RBFOX3: variants seen among roughly 807,000 people sequenced by gnomAD.
RBFOX3 encodes the protein RNA binding protein fox-1 homolog 3.
A neutral mutation model predicts 48.7 loss-of-function variants in RBFOX3; 17 were observed. The ratio of observed to expected loss-of-function variants is 0.35; its 90% confidence interval spans 0.24 to 0.52. The LOEUF (loss-of-function observed/expected upper bound fraction) is 0.52. RBFOX3 is among the 20% of genes least tolerant of loss of function. RBFOX3 has a pLI of 0.94. For missense variants in RBFOX3, 382 were observed against 497.5 expected (o/e 0.77, Z 2.21); for synonymous variants, 212 against 209.5 (o/e 1.01, Z -0.10).
At chr17:79,620,455 G>GCA in the RBFOX3 span, among the ~76,000 whole-genome samples, 291 of 139,366 alleles carry the variant, frequency 2.1e-3, 1 homozygote, top group African/African-American at 7.3e-3. Flanking sequence ...GCACACATGC[G>GCA]CACACACATG....
chr17:79,171,149 C>T (rs879794295), intron 4 of RBFOX3, among the ~76,000 whole-genome samples: 3 of 152,230 alleles, frequency 2.0e-5, no homozygotes, highest in African/African-American at 4.8e-5. Context: ...TTTGAAGATT[C>T]AGCATGAAAA....
chr17:79,410,020 T>C (rs2064071686), intron 2 of RBFOX3, among the ~76,000 whole-genome samples: 1 of 152,242 alleles, frequency 6.6e-6, no homozygotes, highest in Non-Finnish European at 1.5e-5. Flanking sequence ...TTGTGATTTC[T>C]TTTAGGACAA....
At chr17:79,586,873 A>G (rs900659254) in intron 1 of RBFOX3, among the ~76,000 whole-genome samples, 3 of 152,350 alleles carry the variant, frequency 2.0e-5, no homozygotes, top group South Asian at 4.1e-4. Context: ...TGTGGTTGCA[A>G]CTGCTGTCGA....
chr17:79,092,297 A>AC, intron 14 of RBFOX3: 1 of 985,514 alleles, frequency 1.0e-6, no homozygotes, highest in South Asian at 4.7e-5. Flanking sequence ...CACGGTGTGC[A>AC]CACCGTACCT....
intron 1 of RBFOX3, among the ~76,000 whole-genome samples, chr17:79,522,491 T>G (rs2150005187): frequency 6.6e-6 from 1 of 152,158 alleles, no homozygotes; most frequent in East Asian, 1.9e-4. Context: ...CTCCAACTAT[T>G]TTCAGGGTAC....
At position 79,388,935 on chromosome 17, in the gene RBFOX3, G is replaced by A. The variant is rs374762129; in HGVS notation, c.-174-81111C>T. Among the ~76,000 whole-genome samples, 19 of 152,342 alleles carry A rather than the reference G, an allele frequency of 1.2e-4. 1 individual carries two copies. The highest frequency in any genetic ancestry group is 9.1e-4 in the Admixed American group (14 of 15,304). Reference sequence around the variant, plus strand: ...TCCCTTAACTCCTCCCAGCCGCCAAGCCCTCCAATCCTTTAGAACTGGGGC... The same window carrying A: ...TCCCTTAACTCCTCCCAGCCGCCAAACCCTCCAATCCTTTAGAACTGGGGC... On this transcript the variant is annotated intron_variant, in intron 2 of 14. Coordinates refer to ENST00000693108, the MANE Select transcript of RBFOX3 (RefSeq NM_001350451.2).
intron 2 of RBFOX3, among the ~76,000 whole-genome samples, chr17:79,353,815 C>T (rs766120322): frequency 3.3e-5 from 5 of 152,118 alleles, no homozygotes; most frequent in Non-Finnish European, 7.4e-5. Context: ...CCCCCACTGG[C>T]TTTCTCACCC....
intron 1 of RBFOX3, among the ~76,000 whole-genome samples, chr17:79,602,457 C>G (rs923507838): frequency 1.6e-3 from 242 of 152,318 alleles, no homozygotes; most frequent in African/African-American, 5.6e-3. Context: ...CAACCACTGT[C>G]GGTCTTCTCC....
chr17:79,337,211 A>G (rs56338242), intron 2 of RBFOX3, among the ~76,000 whole-genome samples: 16,891 of 152,076 alleles, frequency 0.11, 1,053 homozygotes, highest in East Asian at 0.2. Context: ...CTAGGATCAG[A>G]CTCCAGGCTA....
rs2063661239 is a variant in RBFOX3 at position 79,249,683 on chromosome 17, TG to T, written c.-73-13879del. ...CAGCCAGCCCCAAAACCACTTCCCC[TG>T]CCTCGCCCGTTCCTTCCTAGGGAAA... On this transcript the variant is annotated intron_variant, in intron 3 of 14. Coordinates refer to ENST00000693108, the MANE Select transcript of RBFOX3 (RefSeq NM_001350451.2). The surrounding 1 kb of genome is among the most constrained non-coding windows in gnomAD (Gnocchi z 4.1). Among the ~76,000 whole-genome samples, 1 of 146,930 alleles carries T rather than the reference TG, an allele frequency of 6.8e-6. No individual in the cohort carries two copies. Among genetic ancestry groups the T allele is most frequent in the Admixed American group, 6.9e-5 (1 of 14,440 alleles).
rs1039290582 is a variant in RBFOX3, at chr17:79,097,181, C to CA, written c.755+110_755+111insT. On this transcript the variant is annotated intron_variant, in intron 11 of 14. Transcript: ENST00000693108. Reference sequence around the variant, plus strand: ...TGGGGCTCCCACGATCCTCCCCCCCCCCAGGTCTGGAAAGGCTGCCTAGCC... The same window carrying CA: ...TGGGGCTCCCACGATCCTCCCCCCCCACCAGGTCTGGAAAGGCTGCCTAGCC... 4.6e-5 allele frequency: 42 copies of CA among 921,922 alleles called. No individual in the cohort carries two copies. In the African/African-American group the frequency reaches 5.1e-4, roughly 11 times the overall value. 57.1% of individuals were successfully genotyped at this position (921,922 alleles called of 1,614,324 possible). A position where few individuals can be genotyped will look rare whatever the true frequency, so the allele number is the denominator to read the frequency against.
chr17:79,198,538 A>G lies in RBFOX3; in HGVS notation c.-34+37228T>C, dbSNP rs1473385301. On this transcript the variant is annotated intron_variant, in intron 4 of 14. Coordinates refer to ENST00000693108, the MANE Select transcript of RBFOX3 (RefSeq NM_001350451.2). This position sits in a 1 kb window ranked among gnomAD's most constrained non-coding sequence, Gnocchi z 8.2. ...GACTGAGGCTTGGAGAAGTTCACAG[A>G]CTTTCCAGGATGTATTGCCCATGCC... Among the ~76,000 whole-genome samples, 3 of 152,062 alleles carry G rather than the reference A, an allele frequency of 2.0e-5. No homozygotes were observed. The highest frequency in any genetic ancestry group is 2.0e-4 in the Admixed American group (3 of 15,278).
At chr17:79,306,852 C>T (rs987097795) in intron 3 of RBFOX3, among the ~76,000 whole-genome samples, 3 of 151,758 alleles carry the variant, frequency 2.0e-5, no homozygotes, top group African/African-American at 7.2e-5. Flanking sequence ...CCAGCCTGGG[C>T]GTTGGGCCTC....
Position 79,575,874 on chromosome 17 carries a change from C to T in RBFOX3, c.-320+34952G>A, listed in dbSNP as rs995177337. Among the ~76,000 whole-genome samples the T allele has an allele frequency of 1.3e-4, 20 of 152,290 alleles. No individual in the cohort carries two copies. The South Asian group carries it at 2.9e-3, about 22-fold the overall frequency. Reference sequence around the variant, plus strand: ...TGTGATAGTAGCAAGCCCACCCCCTCGGTTAGGCTGAAACCACTGATCCAA... The same window carrying T: ...TGTGATAGTAGCAAGCCCACCCCCTTGGTTAGGCTGAAACCACTGATCCAA... On this transcript the variant is annotated intron_variant, in intron 1 of 14. Transcript: ENST00000693108.
chr17:79,468,062 G>A (rs1232717311), intron 2 of RBFOX3, among the ~76,000 whole-genome samples: 3 of 152,066 alleles, frequency 2.0e-5, no homozygotes, highest in Non-Finnish European at 4.4e-5. Flanking sequence ...TGTTTGGTTC[G>A]CTGAGCCCTA....
At chr17:79,561,699 G>A (rs1175462346) in intron 1 of RBFOX3, among the ~76,000 whole-genome samples, 1 of 152,144 alleles carries the variant, frequency 6.6e-6, no homozygotes, top group Non-Finnish European at 1.5e-5. Flanking sequence ...TCTGCAAAAG[G>A]AGCCCTCCCT....
At chr17:79,403,695 C>T (rs1181934040) in intron 2 of RBFOX3, among the ~76,000 whole-genome samples, 7 of 152,206 alleles carry the variant, frequency 4.6e-5, no homozygotes, top group African/African-American at 1.4e-4. Flanking sequence ...CCCCCTCACC[C>T]GCCCTCCAGG....
chr17:79,222,101 CTGATTTCTACTGCTGCT>C (rs991275560), intron 4 of RBFOX3, among the ~76,000 whole-genome samples: 9 of 125,942 alleles, frequency 7.1e-5, no homozygotes, highest in African/African-American at 3.0e-4. Flanking sequence ...TACCCATTGC[CTGATTTCTACTGCTGCT>C]TGATTTCTAC....
intron 2 of RBFOX3, among the ~76,000 whole-genome samples, chr17:79,385,696 G>A (rs1014667881): frequency 2.0e-5 from 3 of 152,108 alleles, no homozygotes; most frequent in East Asian, 3.9e-4. Context: ...TGTGACAGAC[G>A]GGCTCCATCA....
Sources: allele counts gnomAD v4.1 joint callset (sites outside exome capture counted in the v4.1 genomes callset), GRCh38; gene constraint gnomAD v4.1.1; non-coding constraint Gnocchi (gnomAD v3.1); transcripts MANE v1.5; gene names NCBI Gene and HGNC (gene_info 2026-07-23, HGNC 2026-07-21).